INPP4B: variants seen among roughly 807,000 people sequenced by gnomAD.
INPP4B encodes inositol polyphosphate-4-phosphatase type II B.
Under a neutral mutation model 122.5 loss-of-function variants are expected in INPP4B, and 55 were observed. The ratio of observed to expected loss-of-function variants is 0.45; its 90% confidence interval spans 0.36 to 0.56. The LOEUF is 0.56. Ranked by LOEUF, INPP4B falls within the 20% of genes least tolerant of loss-of-function variation. The probability of loss-of-function intolerance (pLI) is 0.00; values close to 1 mark genes in which losing one functional copy is unlikely to be tolerated. For synonymous variants in INPP4B, 403 were observed against 388.7 expected (o/e 1.04, Z -0.43); for missense variants, 1,000 against 1,097.7 (o/e 0.91, Z 1.26).
chr4:142,423,711 A>C, intron 5 of INPP4B: 2 of 406,168 alleles, frequency 4.9e-6, no homozygotes, highest in Non-Finnish European at 9.5e-6. Flanking sequence ...ACAGATGTAT[A>C]CTGAATTGCA....
intron 2 of INPP4B, among the ~76,000 whole-genome samples, chr4:142,492,997 T>C (rs142583429): frequency 6.6e-6 from 1 of 152,184 alleles, no homozygotes; most frequent in African/African-American, 2.4e-5. Context: ...CCTTGGCACA[T>C]GGTGCCCTAT....
At position 142,256,821 on chromosome 4, in the gene INPP4B, T is replaced by C. The variant is rs1330432594; in HGVS notation, c.688+3671A>G. 9.9e-5 allele frequency among the ~76,000 whole-genome samples: 15 copies of C among 152,162 alleles called. No individual in the cohort carries two copies. The South Asian group carries it at 2.1e-3, about 21-fold the overall frequency. On this transcript the variant is annotated intron_variant, in intron 11 of 25. Transcript: ENST00000262992. ...TTCCTTCTGAAACTGTTCCAATCAA[T>C]AGAAAAAGAGGGAATCCTCCCTAAC...
intron 10 of INPP4B, among the ~76,000 whole-genome samples, chr4:142,261,996 G>A (rs2627836): frequency 0.77 from 116,534 of 151,976 alleles, 45,755 homozygotes; most frequent in East Asian, 0.93. Flanking sequence ...CGAAGTCAGA[G>A]GTGCACTTCC....
At chr4:142,517,483 A>G (rs1825554420) in intron 2 of INPP4B, among the ~76,000 whole-genome samples, 1 of 152,184 alleles carries the variant, frequency 6.6e-6, no homozygotes, top group Non-Finnish European at 1.5e-5. Flanking sequence ...GTAGTAAAAT[A>G]CATCCAGGAA....
chr4:142,314,729 G>A lies in INPP4B; in HGVS notation c.406C>T (p.Pro136Ser). 6.2e-7 allele frequency: 1 copy of A among 1,601,430 alleles called. No individual in the cohort carries two copies. Among genetic ancestry groups the A allele is most frequent in the East Asian group, 2.3e-5 (1 of 43,862 alleles). The change falls in exon 8 of 26, where the codon CCC becomes TCC. Residue 136 changes from proline (P) to serine (S), a missense_variant. Pro to Ser is a moderately conservative substitution (Grantham distance 74). Coordinates refer to ENST00000262992, the MANE Select transcript of INPP4B (RefSeq NM_001101669.3). ...RTSVLPEHKD[P>S]PPEVGRSFLG... ...ACACTTACCCCAACTTCTGGCGGGG[G>A]ATCCTTATGTTCTGGTAGGACACTG... is the stretch of plus-strand genomic sequence containing the variant.
At chr4:142,271,330 A>G (rs1745716751) in intron 9 of INPP4B, among the ~76,000 whole-genome samples, 1 of 152,200 alleles carries the variant, frequency 6.6e-6, no homozygotes, top group Non-Finnish European at 1.5e-5. Context: ...AACCTCCTAA[A>G]CGTTCTCAGA....
intron 15 of INPP4B, among the ~76,000 whole-genome samples, chr4:142,176,011 G>A (rs1827994481): frequency 6.6e-6 from 1 of 151,798 alleles, no homozygotes; most frequent in Admixed American, 6.6e-5. Flanking sequence ...CGCTTCCTGT[G>A]TCCTCTTATG....
At chr4:142,635,180 T>C (rs1367873785) in intron 2 of INPP4B, among the ~76,000 whole-genome samples, 3 of 152,000 alleles carry the variant, frequency 2.0e-5, no homozygotes, top group Non-Finnish European at 4.4e-5. Context: ...CTAGTCAGAA[T>C]GGCTATTATT....
intron 11 of INPP4B, among the ~76,000 whole-genome samples, chr4:142,241,173 A>G (rs954660065): frequency 6.6e-6 from 1 of 152,124 alleles, no homozygotes; most frequent in Non-Finnish European, 1.5e-5. Flanking sequence ...CTCAATAACT[A>G]TGTAATACCT....
At chr4:142,777,306 A>G (rs1006944290) in intron 1 of INPP4B, among the ~76,000 whole-genome samples, 2 of 152,158 alleles carry the variant, frequency 1.3e-5, no homozygotes, top group Non-Finnish European at 2.9e-5. Flanking sequence ...GGAGAGAGAT[A>G]GAGAGAGAAT....
At chr4:142,623,507 T>C (rs948874721) in intron 2 of INPP4B, among the ~76,000 whole-genome samples, 1 of 151,950 alleles carries the variant, frequency 6.6e-6, no homozygotes, top group African/African-American at 2.4e-5. Flanking sequence ...GGCTAAATTC[T>C]AAGACAGTCC....
At chr4:142,678,268 G>A (rs2150670089) in intron 2 of INPP4B, among the ~76,000 whole-genome samples, 1 of 151,978 alleles carries the variant, frequency 6.6e-6, no homozygotes, top group African/African-American at 2.4e-5. Context: ...CTCTAGTCCT[G>A]TAACAAGCCT....
At chr4:142,160,118 C>T (rs1819357701) in intron 17 of INPP4B, among the ~76,000 whole-genome samples, 1 of 151,874 alleles carries the variant, frequency 6.6e-6, no homozygotes, top group African/African-American at 2.4e-5. Context: ...ACTGTGGCAT[C>T]TTTACTTGGA....
At chr4:142,434,235 T>C (rs1580052416) in intron 3 of INPP4B, among the ~76,000 whole-genome samples, 1 of 152,134 alleles carries the variant, frequency 6.6e-6, no homozygotes, top group Non-Finnish European at 1.5e-5. Flanking sequence ...TTTTACATAA[T>C]GAGCTGAAGA....
intron 5 of INPP4B, among the ~76,000 whole-genome samples, chr4:142,419,637 C>A (rs1806450003): frequency 6.6e-6 from 1 of 152,078 alleles, no homozygotes; most frequent in South Asian, 2.1e-4. Flanking sequence ...ATTGCCTTTG[C>A]CAACTACAAA....
At chr4:142,137,773 A>G (rs1313224243) in intron 18 of INPP4B, among the ~76,000 whole-genome samples, 4 of 151,568 alleles carry the variant, frequency 2.6e-5, no homozygotes, top group African/African-American at 9.7e-5. Flanking sequence ...CAGCCAAAAA[A>G]CACATGAAAA....
intron 16 of INPP4B, among the ~76,000 whole-genome samples, chr4:142,165,628 A>C (rs1466808063): frequency 3.3e-5 from 5 of 151,856 alleles, no homozygotes; most frequent in Non-Finnish European, 7.4e-5. Flanking sequence ...CAGTATCTTA[A>C]CTCAGCCTAT....
intron 2 of INPP4B, among the ~76,000 whole-genome samples, chr4:142,705,689 T>C (rs1762395780): frequency 6.6e-6 from 1 of 152,176 alleles, no homozygotes; most frequent in Non-Finnish European, 1.5e-5. Context: ...CTTTCAACAA[T>C]CTATTAATGT....
chr4:142,049,577 G>A (rs886428657), intron 25 of INPP4B, among the ~76,000 whole-genome samples: 6 of 151,876 alleles, frequency 4.0e-5, no homozygotes, highest in South Asian at 2.1e-4. Context: ...TAGGTTAAGC[G>A]GACTGGTGGT....
Sources: allele counts gnomAD v4.1 joint callset (sites outside exome capture counted in the v4.1 genomes callset), GRCh38; gene constraint gnomAD v4.1.1; transcripts MANE v1.5; gene names NCBI Gene and HGNC (gene_info 2026-07-23, HGNC 2026-07-21).